The following REDIC1 variants were observed in gnomAD, a reference collection of about 807,000 sequenced individuals.
The protein encoded by REDIC1 is HEI10 Interacting Protein 1.
the REDIC1 span, among the ~76,000 whole-genome samples, chr12:39,719,631 T>C: frequency 0.031 from 4,646 of 151,960 alleles, 100 homozygotes; most frequent in Non-Finnish European, 0.046. Context: ...TAAAAAAAAA[T>C]CACCAATAAC....
chr12:39,668,275 C>A, the REDIC1 span, among the ~76,000 whole-genome samples: 1 of 152,062 alleles, frequency 6.6e-6, no homozygotes, highest in African/African-American at 2.4e-5. Context: ...GTGACAAAAT[C>A]TCTCAGCATT....
the REDIC1 span, among the ~76,000 whole-genome samples, chr12:39,785,180 A>G: frequency 6.6e-6 from 1 of 152,142 alleles, no homozygotes; most frequent in Non-Finnish European, 1.5e-5. Context: ...AGCCCCTCCC[A>G]TCACAGGACC....
the REDIC1 span, among the ~76,000 whole-genome samples, chr12:39,896,296 GTATATATGTA>G: frequency 8.4e-6 from 1 of 118,432 alleles, no homozygotes; most frequent in African/African-American, 3.2e-5. Flanking sequence ...GTATATGTGT[GTATATATGTA>G]TACATATATG....
At chr12:39,652,337 A>G in the REDIC1 span, among the ~76,000 whole-genome samples, 2 of 152,160 alleles carry the variant, frequency 1.3e-5, no homozygotes, top group African/African-American at 4.8e-5. Flanking sequence ...TGGTATTTGT[A>G]TCATTTTATA....
the REDIC1 span, among the ~76,000 whole-genome samples, chr12:39,734,007 T>C: frequency 6.6e-6 from 1 of 152,148 alleles, no homozygotes; most frequent in Non-Finnish European, 1.5e-5. Context: ...GCCACCCAGT[T>C]TTGTGCTTGA....
the REDIC1 span, among the ~76,000 whole-genome samples, chr12:39,781,910 C>G: frequency 6.6e-6 from 1 of 152,144 alleles, no homozygotes; most frequent in Non-Finnish European, 1.5e-5. Flanking sequence ...GAGATCAGCT[C>G]TACCACCTGG....
At chr12:39,882,178 C>T in the REDIC1 span, among the ~76,000 whole-genome samples, 1 of 152,106 alleles carries the variant, frequency 6.6e-6, no homozygotes, top group Non-Finnish European at 1.5e-5. Context: ...CTCTATATTT[C>T]CCAAACCAGA....
the REDIC1 span, among the ~76,000 whole-genome samples, chr12:39,832,351 G>A: frequency 7.9e-5 from 12 of 152,150 alleles, no homozygotes; most frequent in South Asian, 2.5e-3. Context: ...TTTGGGAAAG[G>A]TCAACTCACT....
chr12:39,812,888 G>A, the REDIC1 span, among the ~76,000 whole-genome samples: 3 of 145,858 alleles, frequency 2.1e-5, no homozygotes, highest in African/African-American at 7.7e-5. Flanking sequence ...AGGCTGGAGT[G>A]TAATGGTGTG....
the REDIC1 span, among the ~76,000 whole-genome samples, chr12:39,730,473 T>G: frequency 6.6e-6 from 1 of 152,224 alleles, no homozygotes; most frequent in South Asian, 2.1e-4. Context: ...TTTAAAATGT[T>G]GAATATTGGC....
At chr12:39,640,653 A>G in the REDIC1 span, among the ~76,000 whole-genome samples, 2 of 151,896 alleles carry the variant, frequency 1.3e-5, no homozygotes, top group Non-Finnish European at 2.9e-5. Context: ...TTTCAGGGAT[A>G]TATTCTTTCC....
chr12:39,763,118 G>T, the REDIC1 span, among the ~76,000 whole-genome samples: 2 of 151,918 alleles, frequency 1.3e-5, no homozygotes, highest in Non-Finnish European at 2.9e-5. Context: ...TATTGTGCTC[G>T]TATTTATTAT....
At chr12:39,679,926 G>A in the REDIC1 span, among the ~76,000 whole-genome samples, 2 of 152,118 alleles carry the variant, frequency 1.3e-5, no homozygotes, top group African/African-American at 4.8e-5. Context: ...TGCTGGGATA[G>A]TTGGCAAGCC....
chr12:39,758,562 A>G, the REDIC1 span: 1 of 152,040 alleles, frequency 6.6e-6, no homozygotes, highest in Non-Finnish European at 1.5e-5. Flanking sequence ...AATTTTGTAC[A>G]TACTATATAG....
the REDIC1 span, among the ~76,000 whole-genome samples, chr12:39,630,149 A>G: frequency 6.6e-6 from 1 of 152,142 alleles, no homozygotes; most frequent in Admixed American, 6.5e-5. Flanking sequence ...TTTTGAAAAG[A>G]TTCTTTTATT....
the REDIC1 span, among the ~76,000 whole-genome samples, chr12:39,837,293 G>A: frequency 6.7e-6 from 1 of 148,764 alleles, no homozygotes; most frequent in African/African-American, 2.5e-5. Flanking sequence ...CCATATGTAG[G>A]AAGCTGAAAC....
chr12:39,704,024 A>C, the REDIC1 span, among the ~76,000 whole-genome samples: 1 of 151,920 alleles, frequency 6.6e-6, no homozygotes, highest in Admixed American at 6.6e-5. Flanking sequence ...GGGCAAGGTC[A>C]TGTCTAAAAC....
At chr12:39,760,301 C>A in the REDIC1 span, 1 of 1,508,652 alleles carries the variant, frequency 6.6e-7, no homozygotes, top group South Asian at 1.2e-5. Context: ...TAGAGAGAGG[C>A]TTAAGTTGGA....
the REDIC1 span, among the ~76,000 whole-genome samples, chr12:39,818,740 G>A: frequency 1.3e-5 from 2 of 151,986 alleles, no homozygotes; most frequent in African/African-American, 4.8e-5. Context: ...CAATTAAGTA[G>A]GCAGAATAAA....
Sources: gnomAD v4.1 joint callset for allele counts (sites outside exome capture counted in the v4.1 genomes callset) on GRCh38, gnomAD v4.1.1 for gene constraint, MANE v1.5 for transcripts, NCBI Gene and HGNC (gene_info 2026-07-23, HGNC 2026-07-21) for gene names.